The following GTF2E1 variants were observed in gnomAD, a reference collection of about 807,000 sequenced individuals.
GTF2E1 encodes general transcription factor IIE subunit 1.
In GTF2E1, 14 loss-of-function variants were observed where a neutral mutation model predicts 34.9. That is an observed-to-expected ratio of 0.40 (90% confidence interval 0.27 to 0.63). The LOEUF (loss-of-function observed/expected upper bound fraction) is 0.63. GTF2E1 is among the 20% of genes least tolerant of loss of function. The pLI is 0.39. For synonymous variants in GTF2E1, 188 were observed against 192.9 expected (o/e 0.97, Z 0.21); for missense variants, 469 against 557.7 (o/e 0.84, Z 1.60).
Position 120,776,415 on chromosome 3 carries a change from T to C in GTF2E1, c.651-8T>C. On this transcript the variant is annotated splice_region_variant and splice_polypyrimidine_tract_variant and intron_variant, in intron 3 of 4. Transcript: ENST00000283875. Reference sequence around the variant, plus strand: ...TTCTTCCTGTACTCCTCTATTCTTTTTATATAGCAAGGACCATGCAGCAAC... The same window carrying C: ...TTCTTCCTGTACTCCTCTATTCTTTCTATATAGCAAGGACCATGCAGCAAC... The C allele has an allele frequency of 6.2e-7, 1 of 1,607,782 alleles. No homozygotes were observed. The highest frequency in any genetic ancestry group is 1.1e-5 in the South Asian group (1 of 90,786).
chr3:120,762,992 G>T (rs1248667043), intron 2 of GTF2E1, among the ~76,000 whole-genome samples: 3 of 152,128 alleles, frequency 2.0e-5, no homozygotes, highest in Non-Finnish European at 4.4e-5. Context: ...GGACCCCTCA[G>T]TTATAGTATT....
chr3:120,770,683 T>G (rs1466720507), intron 2 of GTF2E1, 45 bp from the exon 3 acceptor site: 10 of 1,384,682 alleles, frequency 7.2e-6, no homozygotes, highest in Middle Eastern at 1.8e-4. Context: ...ATAAACTATC[T>G]GCTAAAGTCT....
chr3:120,769,047 A>G (rs537906502), intron 2 of GTF2E1, among the ~76,000 whole-genome samples: 1 of 152,196 alleles, frequency 6.6e-6, no homozygotes, highest in South Asian at 2.1e-4. Context: ...TATCTACTAT[A>G]TGGCTTCAGT....
At chr3:120,749,226 C>G (rs1017415887) in intron 1 of GTF2E1, among the ~76,000 whole-genome samples, 7 of 151,872 alleles carry the variant, frequency 4.6e-5, no homozygotes, top group African/African-American at 1.5e-4. Flanking sequence ...TCCTCTTTTC[C>G]TAATTGAATA....
intron 2 of GTF2E1, among the ~76,000 whole-genome samples, chr3:120,769,812 C>T (rs1709337997): frequency 1.3e-5 from 2 of 152,128 alleles, no homozygotes; most frequent in Non-Finnish European, 2.9e-5. Flanking sequence ...ATTTCTCTCT[C>T]TTTCTCACTT....
At chr3:120,778,209 A>G (rs1022212791) in intron 4 of GTF2E1, among the ~76,000 whole-genome samples, 1 of 152,278 alleles carries the variant, frequency 6.6e-6, no homozygotes, top group African/African-American at 2.4e-5. Context: ...TATTAAGCTC[A>G]TAAGTTTAAC....
At chr3:120,767,221 A>G (rs1709316862) in intron 2 of GTF2E1, among the ~76,000 whole-genome samples, 1 of 152,150 alleles carries the variant, frequency 6.6e-6, no homozygotes, top group African/African-American at 2.4e-5. Flanking sequence ...CTTGGCAAGC[A>G]GAGATACAGA....
At chr3:120,780,930 GAA>G (rs1709441087) in intron 4 of GTF2E1, 111 bp from the exon 5 acceptor site, 4 of 707,736 alleles carry the variant, frequency 5.7e-6, no homozygotes, top group Non-Finnish European at 6.8e-6. Context: ...TGGAACCAGT[GAA>G]GTCTGTTATT....
At chr3:120,744,156 A>T (rs1294055035) in intron 1 of GTF2E1, among the ~76,000 whole-genome samples, 1 of 152,208 alleles carries the variant, frequency 6.6e-6, no homozygotes, top group African/African-American at 2.4e-5. Context: ...AGGAGCTGGA[A>T]GTTGAAATTT....
At chr3:120,763,827 A>G (rs1385879534) in intron 2 of GTF2E1, among the ~76,000 whole-genome samples, 2 of 152,182 alleles carry the variant, frequency 1.3e-5, no homozygotes, top group Non-Finnish European at 2.9e-5. Context: ...TCCTTCTAGC[A>G]TATCAGAGCA....
intron 4 of GTF2E1, among the ~76,000 whole-genome samples, chr3:120,778,473 A>G (rs578200739): frequency 1.7e-4 from 26 of 152,316 alleles, no homozygotes; most frequent in Admixed American, 1.2e-3. Context: ...ATCGACTTCA[A>G]TCATGTTCTC....
intron 1 of GTF2E1, among the ~76,000 whole-genome samples, chr3:120,743,670 T>C (rs1008948786): frequency 2.0e-5 from 3 of 152,120 alleles, no homozygotes; most frequent in Non-Finnish European, 4.4e-5. Context: ...TGAGGAAATA[T>C]CATTTGAGAC....
intron 2 of GTF2E1, among the ~76,000 whole-genome samples, chr3:120,766,542 T>C (rs952390479): frequency 1.3e-5 from 2 of 152,010 alleles, no homozygotes; most frequent in African/African-American, 4.8e-5. Flanking sequence ...ACCACCCTAC[T>C]TCTCTTATGA....
At chr3:120,758,090 G>A (rs1709225195) in intron 2 of GTF2E1, among the ~76,000 whole-genome samples, 2 of 152,170 alleles carry the variant, frequency 1.3e-5, no homozygotes, top group Non-Finnish European at 2.9e-5. Context: ...AACCTCGGAG[G>A]CAGAGGTTGC....
Position 120,781,428 on chromosome 3 carries a change from T to C in GTF2E1, c.1278T>C (p.Tyr426=), listed in dbSNP as rs764905230. Residue 426 remains tyrosine, a synonymous_variant, in exon 5 of 5, where the codon TAT becomes TAC. Coordinates refer to ENST00000283875, the MANE Select transcript of GTF2E1 (RefSeq NM_005513.3). ...AQMTPEEKEA[Y]IAMGQRMFED... ...TGACACCAGAAGAAAAGGAAGCATA[T>C]ATAGCAATGGGACAACGCATGTTTG... 2.1e-5 allele frequency: 34 copies of C among 1,613,974 alleles called. No homozygotes were observed. The African/African-American group carries it at 3.2e-4, about 15-fold the overall frequency.
chr3:120,744,192 G>C (rs1239361756), intron 1 of GTF2E1, among the ~76,000 whole-genome samples: 1 of 152,196 alleles, frequency 6.6e-6, no homozygotes, highest in Admixed American at 6.5e-5. Flanking sequence ...ATTTTTAAAT[G>C]TTGACAACTA....
chr3:120,779,462 A>G (rs1359335183), intron 4 of GTF2E1, among the ~76,000 whole-genome samples: 1 of 152,184 alleles, frequency 6.6e-6, no homozygotes, highest in Non-Finnish European at 1.5e-5. Flanking sequence ...TTTGACAGTC[A>G]TGTTATCAAA....
chr3:120,772,198 T>C (rs1423410797), intron 3 of GTF2E1, among the ~76,000 whole-genome samples: 1 of 152,050 alleles, frequency 6.6e-6, no homozygotes, highest in African/African-American at 2.4e-5. Flanking sequence ...CCCAGAGGGC[T>C]CCCTAGGATA....
chr3:120,742,843 G>A (rs1709068384), intron 1 of GTF2E1, 49 bp downstream of exon 1: 2 of 360,954 alleles, frequency 5.5e-6, no homozygotes. Context: ...GCCGGGCATT[G>A]CATTTCATGA....
Sources: gnomAD v4.1 joint callset for allele counts (sites outside exome capture counted in the v4.1 genomes callset) on GRCh38, gnomAD v4.1.1 for gene constraint, MANE v1.5 for transcripts, NCBI Gene and HGNC (gene_info 2026-07-23, HGNC 2026-07-21) for gene names.